The following ABHD3 variants were observed in gnomAD, a reference collection of about 807,000 sequenced individuals.
The protein encoded by ABHD3 is abhydrolase domain containing 3, phospholipase.
ABHD3 carries 46 observed loss-of-function variants against 48.8 expected under a neutral mutation model. The observed-to-expected ratio is 0.94, with a 90% CI of 0.74 to 1.20. ABHD3 has a LOEUF of 1.20. ABHD3 is among the 50% of genes most tolerant of loss of function. The probability of loss-of-function intolerance (pLI) is 0.00; values close to 1 mark genes in which losing one functional copy is unlikely to be tolerated. For synonymous variants in ABHD3, 192 were observed against 183.7 expected (o/e 1.04, Z -0.36); for missense variants, 490 against 497.8 (o/e 0.98, Z 0.15).
intron 4 of ABHD3, among the ~76,000 whole-genome samples, chr18:21,674,900 A>G (rs572856349): frequency 6.6e-6 from 1 of 152,034 alleles, no homozygotes; most frequent in South Asian, 2.1e-4. Context: ...TGCCTTCTTC[A>G]GAAAATGGCC....
At chr18:21,663,659 A>G (rs759041905) in intron 5 of ABHD3, 4 of 1,535,358 alleles carry the variant, frequency 2.6e-6, no homozygotes, top group Non-Finnish European at 3.5e-6. Context: ...CAACAAAACA[A>G]AACAAAACAA....
chr18:21,675,371 C>A (rs912780769), intron 4 of ABHD3, among the ~76,000 whole-genome samples: 6 of 148,816 alleles, frequency 4.0e-5, no homozygotes, highest in Non-Finnish European at 8.9e-5. Context: ...TGGGTTCAAG[C>A]GATTCTCCTG....
At position 21,651,595 on chromosome 18, in the gene ABHD3, G is replaced by T. The variant is rs2146272720; in HGVS notation, c.1226C>A (p.Ser409Tyr). The change falls in exon 9 of 9, where the codon TCT (serine) becomes TAT (tyrosine). Residue 409 changes from serine to tyrosine, a missense_variant. By Grantham distance (144) the Ser-to-Tyr change is moderately radical (BLOSUM62 -2). Coordinates refer to ENST00000289119, the MANE Select transcript of ABHD3 (RefSeq NM_138340.5). The part of the protein sequence containing the change: ...QAMVEHGHEL[S>Y] ...ATGCACCCAAAGAACTACATGTTAA[G>T]AGAGTTCATGTCCATGCTCAACCAT... The T allele has an allele frequency of 1.2e-6, 2 of 1,613,988 alleles. No individual in the cohort carries two copies. The highest frequency in any genetic ancestry group is 4.5e-5 in the East Asian group (2 of 44,870).
chr18:21,673,401 C>G (rs1292845700), intron 4 of ABHD3, among the ~76,000 whole-genome samples: 2 of 151,986 alleles, frequency 1.3e-5, no homozygotes, highest in East Asian at 3.9e-4. Flanking sequence ...TCAAGCGATT[C>G]TCCTGCCTCA....
intron 8 of ABHD3, among the ~76,000 whole-genome samples, chr18:21,653,192 T>A (rs927374934): frequency 6.7e-6 from 1 of 148,470 alleles, no homozygotes. Flanking sequence ...TGAAACCCCA[T>A]CTCTACTAAA....
chr18:21,691,218 C>A (rs1055807338), intron 3 of ABHD3, among the ~76,000 whole-genome samples: 24 of 152,224 alleles, frequency 1.6e-4, no homozygotes, highest in African/African-American at 5.5e-4. Flanking sequence ...AAAGTTAATT[C>A]ATAGGAAGAC....
intron 5 of ABHD3, among the ~76,000 whole-genome samples, chr18:21,661,359 C>T (rs368043021): frequency 9.0e-4 from 137 of 152,126 alleles, no homozygotes; most frequent in African/African-American, 3.0e-3. Flanking sequence ...AAACTCCAGC[C>T]GGGCGCAGTG....
chr18:21,665,721 A>G (rs1192111578), intron 4 of ABHD3, among the ~76,000 whole-genome samples: 2 of 151,496 alleles, frequency 1.3e-5, no homozygotes, highest in African/African-American at 4.8e-5. Context: ...CTGAGGCAGG[A>G]GAATGGCGTG....
chr18:21,697,054 T>C (rs2146334924), intron 3 of ABHD3, among the ~76,000 whole-genome samples: 1 of 151,960 alleles, frequency 6.6e-6, no homozygotes, highest in Middle Eastern at 3.4e-3. Context: ...GGCCAAACAT[T>C]TCCCATCTCA....
At chr18:21,677,486 G>A (rs1225751548) in intron 4 of ABHD3, among the ~76,000 whole-genome samples, 4 of 151,494 alleles carry the variant, frequency 2.6e-5, no homozygotes, top group African/African-American at 4.8e-5. Flanking sequence ...AATTACAGGC[G>A]TGAGCCACTA....
intron 4 of ABHD3, among the ~76,000 whole-genome samples, chr18:21,674,110 T>A (rs753658046): frequency 6.6e-6 from 1 of 152,158 alleles, no homozygotes; most frequent in Non-Finnish European, 1.5e-5. Context: ...TTGAAGTGTA[T>A]GGGGAAGTAC....
In ABHD3 at chr18:21,669,078, C is replaced by CA. The variant is rs1163825049; in HGVS notation, c.556-4849dup. On this transcript the variant is annotated intron_variant, in intron 4 of 8. Transcript: ENST00000289119. ...TCTCTAAATTAAAAAACAACAACAACAAAAAAAACCCACACCCAAAATTAG... is the reference window on the plus strand; with the variant it reads ...TCTCTAAATTAAAAAACAACAACAACAAAAAAAAACCCACACCCAAAATTAG... Among the ~76,000 whole-genome samples, 17 of 151,576 alleles carry CA rather than the reference C, an allele frequency of 1.1e-4. 1 individual carries two copies. Among genetic ancestry groups the CA allele is most frequent in the South Asian group, 6.3e-4 (3 of 4,792 alleles).
At chr18:21,696,287 G>A (rs1223010917) in intron 3 of ABHD3, among the ~76,000 whole-genome samples, 1 of 151,954 alleles carries the variant, frequency 6.6e-6, no homozygotes, top group East Asian at 1.9e-4. Context: ...GGGACTACAG[G>A]CACCTGCCAA....
chr18:21,663,939 C>T, intron 5 of ABHD3, 179 bp downstream of exon 5: 2 of 1,427,252 alleles, frequency 1.4e-6, no homozygotes, highest in Non-Finnish European at 1.8e-6. Flanking sequence ...TTAAAATTCA[C>T]CTGAATTAAT....
chr18:21,680,852 A>ATGTGTATGTG (rs1555681005), intron 4 of ABHD3, among the ~76,000 whole-genome samples: 1,700 of 108,480 alleles, frequency 0.016, 49 homozygotes, highest in African/African-American at 0.094. Context: ...TCTTTTTCAA[A>ATGTGTATGTG]TGTGTGTGTG....
At chr18:21,659,082 C>T in intron 6 of ABHD3, 88 bp downstream of exon 6, 1 of 1,345,592 alleles carries the variant, frequency 7.4e-7, no homozygotes, top group Non-Finnish European at 1.0e-6. Flanking sequence ...CTCGTGATCC[C>T]CCCGCCTCAG....
intron 3 of ABHD3, among the ~76,000 whole-genome samples, chr18:21,684,246 T>C (rs1158512752): frequency 1.3e-5 from 2 of 151,576 alleles, no homozygotes; most frequent in African/African-American, 2.4e-5. Flanking sequence ...CCTACGCACA[T>C]ACGTGGGCCT....
At chr18:21,655,151 A>G (rs142583132) in intron 8 of ABHD3, 14 of 152,180 alleles carry the variant, frequency 9.2e-5, no homozygotes, top group Admixed American at 2.0e-4. Context: ...ATTTAAAAAT[A>G]TATATATATA....
chr18:21,659,968 T>G (rs1259114367), intron 5 of ABHD3, among the ~76,000 whole-genome samples: 1 of 135,810 alleles, frequency 7.4e-6, no homozygotes. Context: ...CGGCCTTTTT[T>G]TTTTTTTTTT....
Sources: gnomAD v4.1 joint callset for allele counts (sites outside exome capture counted in the v4.1 genomes callset) on GRCh38, gnomAD v4.1.1 for gene constraint, MANE v1.5 for transcripts, NCBI Gene and HGNC (gene_info 2026-07-23, HGNC 2026-07-21) for gene names.